CLIC6: variants seen among roughly 807,000 people sequenced by gnomAD.
CLIC6 encodes the protein chloride intracellular channel protein 6.
Under a neutral mutation model 49.2 loss-of-function variants are expected in CLIC6, and 39 were observed. That is an observed-to-expected ratio of 0.79 (90% CI 0.61 to 1.04). The LOEUF (loss-of-function observed/expected upper bound fraction) is 1.04. Among genes scored for constraint, CLIC6 ranks in the 50% least tolerant of loss-of-function variants. CLIC6 has a pLI of 0.00. For synonymous variants in CLIC6, 446 were observed against 433.4 expected, an observed-to-expected ratio of 1.03 and a Z score of -0.36; for missense variants, 988 against 993.1, an observed-to-expected ratio of 0.99 and a Z score of 0.07.
intron 1 of CLIC6, among the ~76,000 whole-genome samples, chr21:34,686,418 A>G (rs1391366079): frequency 6.6e-6 from 1 of 152,126 alleles, no homozygotes; most frequent in East Asian, 1.9e-4. Flanking sequence ...ACAAAACAAA[A>G]ACCCAAAACC....
At position 34,669,498 on chromosome 21, in the gene CLIC6, A is replaced by T; in HGVS notation, c.110A>T (p.Glu37Val). ...RPGEPGAAGGEAEGPEGSEGA... is the reference protein window; with the variant it reads ...RPGEPGAAGGVAEGPEGSEGA... ...GGAGAGCCAGGAGCCGCGGGCGGGG[A>T]GGCAGAAGGGCCGGAGGGGAGCGAG... The change falls in exon 1 of 6, where the codon GAG (glutamate) becomes GTG (valine). Residue 37 changes from glutamate (E) to valine (V), a missense_variant. Physicochemically the swap from Glu to Val is moderately radical, Grantham distance 121. Around this residue, in one of 3 missense-constraint regions of CLIC6, gnomAD observed 284 missense variants for 278.6 expected, o/e 1.02. Coordinates refer to ENST00000349499, the MANE Select transcript of CLIC6 (RefSeq NM_053277.3). 1 of 1,234,286 alleles carries T rather than the reference A, an allele frequency of 8.1e-7. No homozygotes were observed. The highest frequency in any genetic ancestry group is 4.2e-5 in the Admixed American group (1 of 23,694). The allele number at this position is 1,234,286 out of a possible 1,614,324, so 76.5% of individuals were successfully genotyped here. A position where few individuals can be genotyped will look rare whatever the true frequency, so the allele number is the denominator to read the frequency against.
intron 1 of CLIC6, among the ~76,000 whole-genome samples, chr21:34,706,809 A>G (rs1340450735): frequency 6.6e-6 from 1 of 152,214 alleles, no homozygotes; most frequent in Non-Finnish European, 1.5e-5. Flanking sequence ...CACTGACACA[A>G]GTATTCTACT....
chr21:34,669,171 C>T lies in CLIC6; in HGVS notation c.-218C>T, dbSNP rs1037960187. On this transcript the variant is annotated 5_prime_UTR_variant, in exon 1 of 6. Coordinates refer to ENST00000349499, the MANE Select transcript of CLIC6 (RefSeq NM_053277.3). ...GGAGGAAGAGTCCAGGGAGTTTCAG[C>T]TGGGCAGAAGGGGCGCAGAGGCTTG... is the stretch of plus-strand genomic sequence containing the variant. 6.6e-6 allele frequency among the ~76,000 whole-genome samples: 1 copy of T among 152,252 alleles called. No individual in the cohort carries two copies. The highest frequency in any genetic ancestry group is 2.4e-5 in the African/African-American group (1 of 41,480).
chr21:34,705,490 G>C (rs921635953), intron 1 of CLIC6, among the ~76,000 whole-genome samples: 33 of 152,260 alleles, frequency 2.2e-4, no homozygotes, highest in Admixed American at 1.1e-3. Flanking sequence ...TGTCATAACT[G>C]TCCACCTTCC....
At chr21:34,714,784 C>A (rs1209529033) in intron 5 of CLIC6, among the ~76,000 whole-genome samples, 3 of 151,360 alleles carry the variant, frequency 2.0e-5, no homozygotes, top group African/African-American at 7.3e-5. Flanking sequence ...ATTAACATGA[C>A]CATAAACCTT....
At chr21:34,677,097 A>C (rs1293003677) in intron 1 of CLIC6, among the ~76,000 whole-genome samples, 1 of 152,140 alleles carries the variant, frequency 6.6e-6, no homozygotes, top group Non-Finnish European at 1.5e-5. Flanking sequence ...TTCGGCTAAA[A>C]TCCGTGCTTG....
intron 1 of CLIC6, among the ~76,000 whole-genome samples, chr21:34,701,791 G>T (rs1367775676): frequency 6.6e-6 from 1 of 152,142 alleles, no homozygotes; most frequent in Non-Finnish European, 1.5e-5. Context: ...TTAATTTACA[G>T]AACTATTCAA....
At chr21:34,706,373 G>A (rs1040634882) in intron 1 of CLIC6, among the ~76,000 whole-genome samples, 1 of 152,138 alleles carries the variant, frequency 6.6e-6, no homozygotes, top group African/African-American at 2.4e-5. Context: ...TCCACCCCCC[G>A]ACCCAATCAC....
intron 5 of CLIC6, among the ~76,000 whole-genome samples, chr21:34,714,009 C>G (rs1472087827): frequency 6.6e-6 from 1 of 152,092 alleles, no homozygotes; most frequent in Non-Finnish European, 1.5e-5. Flanking sequence ...TTAACATCTA[C>G]AGAGAATTAA....
chr21:34,687,823 T>C (rs1056694419), intron 1 of CLIC6, among the ~76,000 whole-genome samples: 47 of 152,222 alleles, frequency 3.1e-4, no homozygotes, highest in Admixed American at 2.9e-3. Flanking sequence ...TTTCTTAGCA[T>C]CTAAATGTAG....
intron 1 of CLIC6, among the ~76,000 whole-genome samples, chr21:34,673,955 T>C (rs1283841534): frequency 5.9e-5 from 9 of 152,052 alleles, no homozygotes; most frequent in Non-Finnish European, 1.2e-4. Context: ...TCATGGTGGG[T>C]TTTGTATGGC....
intron 1 of CLIC6, among the ~76,000 whole-genome samples, chr21:34,703,430 C>T (rs149187248): frequency 6.6e-6 from 1 of 152,072 alleles, no homozygotes; most frequent in African/African-American, 2.4e-5. Flanking sequence ...GGGGAGTCAT[C>T]GCCCCGTCAG....
At chr21:34,714,459 G>A (rs377405444) in intron 5 of CLIC6, among the ~76,000 whole-genome samples, 11 of 152,054 alleles carry the variant, frequency 7.2e-5, no homozygotes, top group South Asian at 2.1e-4. Context: ...TGGCTGAGGC[G>A]GGTGGATCAC....
intron 1 of CLIC6, among the ~76,000 whole-genome samples, chr21:34,680,090 A>G (rs1235600273): frequency 1.3e-5 from 2 of 152,236 alleles, no homozygotes. Context: ...GTTCTCCATG[A>G]GGGCTCTGCC....
intron 1 of CLIC6, among the ~76,000 whole-genome samples, chr21:34,673,917 G>A (rs1989615610): frequency 6.6e-6 from 1 of 152,150 alleles, no homozygotes; most frequent in South Asian, 2.1e-4. Context: ...ACCTGAGCTG[G>A]GTTTTGTGAA....
At chr21:34,681,163 C>T (rs147043453) in intron 1 of CLIC6, among the ~76,000 whole-genome samples, 111 of 152,320 alleles carry the variant, frequency 7.3e-4, no homozygotes, top group African/African-American at 2.6e-3. Flanking sequence ...AACTTGCAAT[C>T]GTGGCAGAAG....
In CLIC6 at chr21:34,716,862, TCACA is replaced by T. The variant is rs10541127; in HGVS notation, c.*415_*418del. The T allele has an allele frequency of 0.021, 2,715 of 131,694 alleles. 40 individuals carry two copies. Among genetic ancestry groups the T allele is most frequent in the Middle Eastern group, 0.07 (18 of 256 alleles). 8.2% of individuals were successfully genotyped at this position (131,694 alleles called of 1,614,324 possible). ...CTCTCTCTCTCTCTCTCTCTCTCTA[TCACA>T]CACACACACACACACACACACACAC... is the stretch of plus-strand genomic sequence containing the variant. On this transcript the variant is annotated 3_prime_UTR_variant, in exon 6 of 6. Transcript: ENST00000349499.
At chr21:34,694,119 C>T (rs1242553029) in intron 1 of CLIC6, among the ~76,000 whole-genome samples, 1 of 149,920 alleles carries the variant, frequency 6.7e-6, no homozygotes, top group East Asian at 1.9e-4. Context: ...GACTACAGCA[C>T]CACCACGCCT....
chr21:34,669,664 T>G lies in CLIC6; in HGVS notation c.276T>G (p.Gly92=). The part of the protein sequence containing the change: ...ETEAEEGAPE[G]AEVPQGGEET... The stretch of plus-strand genomic sequence containing the variant: ...AGGCCGAGGAGGGAGCCCCGGAGGG[T>G]GCCGAGGTGCCCCAAGGAGGGGAGG... The change falls in exon 1 of 6, where the codon GGT becomes GGG. Residue 92 remains glycine, a synonymous_variant. Transcript: ENST00000349499. The G allele has an allele frequency of 7.5e-7, 1 of 1,328,126 alleles. No homozygotes were observed. Among genetic ancestry groups the G allele is most frequent in the Non-Finnish European group, 9.6e-7 (1 of 1,044,984 alleles). The allele number at this position is 1,328,126 out of a possible 1,614,324, so 82.3% of individuals were successfully genotyped here.
Sources: gnomAD v4.1 joint callset for allele counts (sites outside exome capture counted in the v4.1 genomes callset) on GRCh38, gnomAD v4.1.1 for gene constraint, gnomAD v4.1.1 regional missense constraint, MANE v1.5 for transcripts, NCBI Gene and HGNC (gene_info 2026-07-23, HGNC 2026-07-21) for gene names.